The following TRIM3 variants were observed in gnomAD, a reference collection of about 807,000 sequenced individuals.
TRIM3 encodes the protein tripartite motif containing 3, also known as tripartite motif-containing protein 3.
Under a neutral mutation model 66.6 loss-of-function variants are expected in TRIM3, and 13 were observed. That is an observed-to-expected ratio of 0.20 (90% CI 0.13 to 0.31). The LOEUF is 0.31. TRIM3 is among the 10% of genes least tolerant of loss of function. TRIM3 has a pLI of 1.00. For synonymous variants in TRIM3, 406 were observed against 411.7 expected (o/e 0.99, Z 0.17); for missense variants, 711 against 1,020.4 (o/e 0.70, Z 4.13).
In TRIM3 at chr11:6,450,605, A is replaced by C. The variant is rs964708952; in HGVS notation, c.1887T>G (p.Ala629=). ...CTACAATTTCATTCTTGTTGTTCACAGCCACAAAATGGGGCCCTGAAAATA... is the reference window on the plus strand; with the variant it reads ...CTACAATTTCATTCTTGTTGTTCACCGCCACAAAATGGGGCCCTGAAAATA... ...DRHFAGPHFV[A]VNNKNEIVVT... The change falls in exon 10 of 12, where the codon GCT becomes GCG. Residue 629 remains alanine, a synonymous_variant. Coordinates refer to ENST00000345851, the MANE Select transcript of TRIM3 (RefSeq NM_033278.4). The surrounding 1 kb of genome is among the most constrained non-coding windows in gnomAD (Gnocchi z 4.8). The C allele has an allele frequency of 6.8e-6, 11 of 1,614,232 alleles. No homozygotes were observed. Among genetic ancestry groups the C allele is most frequent in the East Asian group, 2.2e-5 (1 of 44,890 alleles).
intron 8 of TRIM3, 63 bp from the exon 9 acceptor site, chr11:6,451,123 A>T (rs1849700748): frequency 6.2e-7 from 1 of 1,603,484 alleles, no homozygotes; most frequent in Admixed American, 1.7e-5. Context: ...GTCCTAACCC[A>T]GTACCAAAGC....
chr11:6,453,587 G>C (rs1274889775), intron 7 of TRIM3, among the ~76,000 whole-genome samples: 1 of 152,194 alleles, frequency 6.6e-6, no homozygotes, highest in Non-Finnish European at 1.5e-5. Context: ...ATAGCAAAAG[G>C]CTGAGGGAAC....
chr11:6,473,760 C>T (rs1285380174), intron 1 of TRIM3, 31 bp downstream of exon 1: 2 of 152,354 alleles, frequency 1.3e-5, no homozygotes, highest in African/African-American at 4.8e-5. Context: ...GGAATACAAA[C>T]GCACCCTTGG....
chr11:6,449,686 G>A lies in TRIM3; in HGVS notation c.1942-240C>T. On this transcript the variant is annotated intron_variant, in intron 10 of 11. Transcript: ENST00000345851. This position sits in a 1 kb window ranked among gnomAD's most constrained non-coding sequence, Gnocchi z 5.3. ...TTTCTTTGGGAAATCAGTTCTCTTAGTTCTCTATCTCAATGACTGGTGCCA... is the reference window on the plus strand; with the variant it reads ...TTTCTTTGGGAAATCAGTTCTCTTAATTCTCTATCTCAATGACTGGTGCCA... The A allele has an allele frequency of 2.2e-6, 1 of 456,390 alleles. No individual in the cohort carries two copies. The highest frequency in any genetic ancestry group is 3.5e-5 in the East Asian group (1 of 28,844). The allele number at this position is 456,390 out of a possible 1,614,324, so 28.3% of individuals were successfully genotyped here. A position where few individuals can be genotyped will look rare whatever the true frequency, so the allele number is the denominator to read the frequency against.
intron 1 of TRIM3, among the ~76,000 whole-genome samples, chr11:6,471,216 C>T (rs1320235678): frequency 6.6e-6 from 1 of 152,330 alleles, no homozygotes; most frequent in African/African-American, 2.4e-5. Context: ...ACATGAGTTA[C>T]ACAGTTGTGA....
At position 6,469,949 on chromosome 11, in the gene TRIM3, A is replaced by T. The variant is rs562422353; in HGVS notation, c.-38+3842T>A. On this transcript the variant is annotated intron_variant, in intron 1 of 11. Transcript: ENST00000345851. ...GCCTTTTGCATCAGGAGGCTGAATC[A>T]GACACTGTGATGGGAGGGCTAAGAA... 2.2e-4 allele frequency among the ~76,000 whole-genome samples: 33 copies of T among 152,324 alleles called. No individual in the cohort carries two copies. In the South Asian group the frequency reaches 3.9e-3, roughly 18 times the overall value.
At chr11:6,465,203 C>A (rs1355657694) in intron 2 of TRIM3, among the ~76,000 whole-genome samples, 1 of 152,078 alleles carries the variant, frequency 6.6e-6, no homozygotes, top group Non-Finnish European at 1.5e-5. Flanking sequence ...AAGGACAGAC[C>A]TAACTTCAAA....
At chr11:6,467,196 T>C (rs898142092) in intron 1 of TRIM3, among the ~76,000 whole-genome samples, 1 of 152,156 alleles carries the variant, frequency 6.6e-6, no homozygotes. Context: ...ACACTTTTGA[T>C]TGAGTCATCA....
In TRIM3 at chr11:6,450,426, T is replaced by G. The variant is rs994450020; in HGVS notation, c.1941+125A>C. 50 of 837,118 alleles carry G rather than the reference T, an allele frequency of 6.0e-5. No homozygotes were observed. Among genetic ancestry groups the G allele is most frequent in the Non-Finnish European group, 8.4e-5 (42 of 502,678 alleles). 51.9% of individuals were successfully genotyped at this position (837,118 alleles called of 1,614,324 possible). A position where few individuals can be genotyped will look rare whatever the true frequency, so the allele number is the denominator to read the frequency against. On this transcript the variant is annotated intron_variant, in intron 10 of 11. Coordinates refer to ENST00000345851, the MANE Select transcript of TRIM3 (RefSeq NM_033278.4). This position sits in a 1 kb window ranked among gnomAD's most constrained non-coding sequence, Gnocchi z 4.8. ...GGGACAAAGCAGCCATGCATAAATG[T>G]GTAAATGTGTATTGTTTGAGTGAAT...
Position 6,448,828 on chromosome 11 carries a change from C to A in TRIM3, c.*200G>T. 1.5e-6 allele frequency: 1 copy of A among 653,970 alleles called. No individual in the cohort carries two copies. Among genetic ancestry groups the A allele is most frequent in the South Asian group, 1.8e-5 (1 of 54,720 alleles). The allele number at this position is 653,970 out of a possible 1,614,324, so 40.5% of individuals were successfully genotyped here. On this transcript the variant is annotated 3_prime_UTR_variant, in exon 12 of 12. Transcript: ENST00000345851. ...CACATCCTTGGGACCACAGTCCAGG[C>A]TCACCCAGTCACCAAAGCAAGAACC...
intron 1 of TRIM3, among the ~76,000 whole-genome samples, chr11:6,466,679 G>T (rs1405105038): frequency 1.3e-5 from 2 of 151,140 alleles, no homozygotes; most frequent in African/African-American, 4.9e-5. Context: ...TCTGTCCTGG[G>T]ATCCTTTTCC....
chr11:6,456,840 G>C lies in TRIM3; in HGVS notation c.886C>G (p.Leu296Val). ...CCGTCCACCTCAAGGACCAGTTCCA[G>C]CTGTGCATTCTCATGTGGCCGCTCC... Reference protein sequence around the residue: ...FPERPHENAQLELVLEVDGLR... With the variant: ...FPERPHENAQVELVLEVDGLR... The change falls in exon 6 of 12, where the codon CTG (leucine) becomes GTG (valine). Residue 296 changes from leucine (L) to valine (V), a missense_variant. Leu to Val is a conservative substitution (Grantham distance 32). Coordinates refer to ENST00000345851, the MANE Select transcript of TRIM3 (RefSeq NM_033278.4). The surrounding 1 kb of genome is among the most constrained non-coding windows in gnomAD (Gnocchi z 6.4). 1 of 1,613,104 alleles carries C rather than the reference G, an allele frequency of 6.2e-7. No homozygotes were observed. Among genetic ancestry groups the C allele is most frequent in the South Asian group, 1.1e-5 (1 of 91,088 alleles).
intron 1 of TRIM3, among the ~76,000 whole-genome samples, chr11:6,472,277 G>A (rs1850712759): frequency 6.6e-6 from 1 of 152,160 alleles, no homozygotes; most frequent in Non-Finnish European, 1.5e-5. Flanking sequence ...AGATTCCCAA[G>A]GTTCCCTCTC....
Position 6,449,333 on chromosome 11 carries a change from C to T in TRIM3, c.2055G>A (p.Val685=). The change falls in exon 11 of 12, where the codon GTG becomes GTA. Residue 685 remains valine (V), a synonymous_variant. Coordinates refer to ENST00000345851, the MANE Select transcript of TRIM3 (RefSeq NM_033278.4). The surrounding 1 kb of genome is among the most constrained non-coding windows in gnomAD (Gnocchi z 5.3). ...VAVDSNGNII[V]ADWGNSRIQV... ...GGATGCGGCTGTTGCCCCAGTCAGC[C>T]ACAATGATGTTTCCATTGGAGTCCA... 1 of 1,614,066 alleles carries T rather than the reference C, an allele frequency of 6.2e-7. No individual in the cohort carries two copies. The highest frequency in any genetic ancestry group is 8.5e-7 in the Non-Finnish European group (1 of 1,179,934).
chr11:6,466,665 T>C (rs1165034160), intron 1 of TRIM3, among the ~76,000 whole-genome samples: 1 of 151,636 alleles, frequency 6.6e-6, no homozygotes, highest in African/African-American at 2.4e-5. Flanking sequence ...AGGCATTCGT[T>C]CTCTCTGTCC....
intron 2 of TRIM3, among the ~76,000 whole-genome samples, chr11:6,465,011 A>T (rs954811241): frequency 5.1e-4 from 77 of 150,232 alleles, no homozygotes; most frequent in Non-Finnish European, 9.0e-4. Context: ...AAAAAAAAAA[A>T]GAGTAAGGAT....
chr11:6,465,984 A>T (rs1850448290), intron 1 of TRIM3, among the ~76,000 whole-genome samples: 1 of 152,216 alleles, frequency 6.6e-6, no homozygotes, highest in Non-Finnish European at 1.5e-5. Flanking sequence ...TGGACAATCC[A>T]TGTAACTTCT....
intron 1 of TRIM3, among the ~76,000 whole-genome samples, chr11:6,466,655 A>G (rs1176255276): frequency 3.4e-5 from 5 of 147,494 alleles, no homozygotes; most frequent in African/African-American, 1.3e-4. Flanking sequence ...CTGGGAGATC[A>G]GGCATTCGTT....
intron 1 of TRIM3, among the ~76,000 whole-genome samples, chr11:6,470,710 G>C (rs1458245349): frequency 2.6e-5 from 4 of 152,262 alleles, no homozygotes. Flanking sequence ...TGTTGGTGCA[G>C]AGATGGTTCC....
Sources: allele counts gnomAD v4.1 joint callset (sites outside exome capture counted in the v4.1 genomes callset), GRCh38; gene constraint gnomAD v4.1.1; non-coding constraint Gnocchi (gnomAD v3.1); transcripts MANE v1.5; gene names NCBI Gene and HGNC (gene_info 2026-07-23, HGNC 2026-07-21).